SMARCAL1: variants seen among roughly 807,000 people sequenced by gnomAD.
SMARCAL1 encodes the protein SNF2 related chromatin remodeling annealing helicase 1, also known as ATP-driven annealing helicase.
Under a neutral mutation model 94.5 loss-of-function variants are expected in SMARCAL1, and 58 were observed. The observed-to-expected ratio is 0.61, with a 90% CI of 0.50 to 0.76. The LOEUF is 0.76. Among genes scored for constraint, SMARCAL1 ranks in the 30% least tolerant of loss-of-function variants. The probability of loss-of-function intolerance (pLI) is 0.00; values close to 1 mark genes in which losing one functional copy is unlikely to be tolerated. For synonymous variants in SMARCAL1, 422 were observed against 455.1 expected, an observed-to-expected ratio of 0.93 and a Z score of 0.93; for missense variants, 1,051 against 1,177.9, an observed-to-expected ratio of 0.89 and a Z score of 1.58.
At chr2:216,420,730 G>A (rs768736408) in intron 5 of SMARCAL1, among the ~76,000 whole-genome samples, 198 bp downstream of exon 5, 10 of 152,064 alleles carry the variant, frequency 6.6e-5, no homozygotes, top group Non-Finnish European at 1.5e-4. Flanking sequence ...TTGTCATAAG[G>A]CCTCCCAAAG....
intron 4 of SMARCAL1, among the ~76,000 whole-genome samples, chr2:216,419,729 G>A (rs73072257): frequency 0.022 from 3,344 of 152,076 alleles, 127 homozygotes; most frequent in African/African-American, 0.077. Context: ...TAAATGTTTT[G>A]ATGTGAAAAA....
chr2:216,470,171 A>AG (rs139025785), intron 14 of SMARCAL1, among the ~76,000 whole-genome samples: 4,754 of 151,476 alleles, frequency 0.031, 148 homozygotes, highest in East Asian at 0.16. Flanking sequence ...TTTGTTGGGG[A>AG]GGGGGGTCTC....
At position 216,475,700 on chromosome 2, in the gene SMARCAL1, C is replaced by T. The variant is rs770141060; in HGVS notation, c.2427+249C>T. Among the ~76,000 whole-genome samples, 9 of 151,884 alleles carry T rather than the reference C, an allele frequency of 5.9e-5. No homozygotes were observed. Among genetic ancestry groups the T allele is most frequent in the Admixed American group, 1.3e-4 (2 of 15,256 alleles). On this transcript the variant is annotated intron_variant, in intron 15 of 17. Transcript: ENST00000357276. The surrounding 1 kb of genome is among the most constrained non-coding windows in gnomAD (Gnocchi z 4.4). ...CATGATCTTGGCTCACTGCAACCTCCGCCTCCTGGGTTCAAGCGATTCCCC... is the reference window on the plus strand; with the variant it reads ...CATGATCTTGGCTCACTGCAACCTCTGCCTCCTGGGTTCAAGCGATTCCCC...
At chr2:216,413,026 C>G (rs1693500428) in intron 1 of SMARCAL1, 1 of 152,142 alleles carries the variant, frequency 6.6e-6, no homozygotes, top group African/African-American at 2.4e-5. Context: ...GAGTGTGTTA[C>G]CCAGAGAGAC....
At position 216,428,766 on chromosome 2, in the gene SMARCAL1, C is replaced by T. The variant is rs1370549286; in HGVS notation, c.1318C>T (p.Gln440Ter). 1.9e-6 allele frequency: 3 copies of T among 1,614,052 alleles called. No individual in the cohort carries two copies. Among genetic ancestry groups the T allele is most frequent in the Non-Finnish European group, 1.7e-6 (2 of 1,180,018 alleles). The change falls in exon 7 of 18, where the codon CAG becomes TAG. Residue 440 changes from glutamine to a stop codon, truncating the protein, a stop_gained. Coordinates refer to ENST00000357276, the MANE Select transcript of SMARCAL1 (RefSeq NM_014140.4). LOFTEE classifies it high-confidence loss of function. ...PKLVSNLMPF[Q>*]RAGVNFAIAK... Reference sequence around the variant, plus strand: ...GCTCGTGTCTAATCTGATGCCCTTTCAGAGAGCTGGAGTCAAGTAGGTTCT... The same window carrying T: ...GCTCGTGTCTAATCTGATGCCCTTTTAGAGAGCTGGAGTCAAGTAGGTTCT...
intron 15 of SMARCAL1, among the ~76,000 whole-genome samples, chr2:216,476,161 T>C (rs1249105850): frequency 6.6e-6 from 1 of 152,106 alleles, no homozygotes; most frequent in Non-Finnish European, 1.5e-5. Context: ...TTTCTGGTAA[T>C]CTCCAGAAAA....
chr2:216,420,100 T>C (rs1166604228), intron 4 of SMARCAL1, among the ~76,000 whole-genome samples, 199 bp from the exon 5 acceptor site: 2 of 143,046 alleles, frequency 1.4e-5, no homozygotes, highest in Non-Finnish European at 3.1e-5. Flanking sequence ...TCAGCAAATA[T>C]TGAAATTCCC....
At position 216,415,139 on chromosome 2, in the gene SMARCAL1, A is replaced by G. The variant is rs2106014814; in HGVS notation, c.435A>G (p.Gln145=). The G allele has an allele frequency of 6.2e-7, 1 of 1,612,958 alleles. No individual in the cohort carries two copies. Among genetic ancestry groups the G allele is most frequent in the African/African-American group, 1.3e-5 (1 of 74,934 alleles). ...AGCTCTTGAGTTATGAGTTAGGTCA[A>G]GGTCATGCTCAGGCTTCACCTGAGA... The part of the protein sequence containing the change: ...KQQLLSYELG[Q]GHAQASPEIR... The change falls in exon 3 of 18, where the codon CAA becomes CAG. Residue 145 remains glutamine (Q), a synonymous_variant. Transcript: ENST00000357276.
intron 8 of SMARCAL1, among the ~76,000 whole-genome samples, chr2:216,434,032 G>C (rs923301119): frequency 6.6e-6 from 1 of 150,930 alleles, no homozygotes; most frequent in Admixed American, 6.6e-5. Flanking sequence ...AATGAGACAG[G>C]GTCTCATTAT....
chr2:216,442,586 AGTGT>A (rs1432572215), intron 10 of SMARCAL1, among the ~76,000 whole-genome samples: 2 of 152,140 alleles, frequency 1.3e-5, no homozygotes, highest in Non-Finnish European at 2.9e-5. Flanking sequence ...TGGAAGTACG[AGTGT>A]GTGTGTTTCC....
rs116222213 is a variant in SMARCAL1, at chr2:216,416,698, A to G, written c.862+391A>G. ...AACCCTGACAGTCTGACTTCAGACT[A>G]CACGTTCCCACCAGACTATGCTGGC... On this transcript the variant is annotated intron_variant, in intron 4 of 17. Coordinates refer to ENST00000357276, the MANE Select transcript of SMARCAL1 (RefSeq NM_014140.4). Among the ~76,000 whole-genome samples the G allele has an allele frequency of 7.4e-3, 1,127 of 152,336 alleles. 6 individuals are homozygous for G. Among genetic ancestry groups the G allele is most frequent in the African/African-American group, 0.025 (1,058 of 41,574 alleles).
intron 14 of SMARCAL1, among the ~76,000 whole-genome samples, chr2:216,468,788 T>G (rs972355867): frequency 6.6e-6 from 1 of 152,192 alleles, no homozygotes; most frequent in African/African-American, 2.4e-5. Flanking sequence ...TGGCAGGATC[T>G]CAGCTCACTG....
intron 10 of SMARCAL1, among the ~76,000 whole-genome samples, chr2:216,443,944 A>T (rs1395751617): frequency 6.6e-6 from 1 of 152,190 alleles, no homozygotes; most frequent in Non-Finnish European, 1.5e-5. Flanking sequence ...TTTTGCCCTT[A>T]GGCTTTCGAT....
At chr2:216,462,074 C>T (rs74655733) in intron 12 of SMARCAL1, among the ~76,000 whole-genome samples, 5,284 of 152,182 alleles carry the variant, frequency 0.035, 199 homozygotes, top group East Asian at 0.16. Context: ...GGGGTTGGTA[C>T]GTTTTGCTGC....
chr2:216,474,128 C>CTTTTTTTT (rs1182416023), intron 14 of SMARCAL1, among the ~76,000 whole-genome samples: 3 of 64,894 alleles, frequency 4.6e-5, no homozygotes, highest in Middle Eastern at 9.4e-3. Flanking sequence ...GTATAGCATT[C>CTTTTTTTT]TTTTTTTTTT....
intron 10 of SMARCAL1, among the ~76,000 whole-genome samples, chr2:216,440,609 G>A (rs547097934): frequency 2.0e-5 from 3 of 152,278 alleles, no homozygotes; most frequent in South Asian, 2.1e-4. Flanking sequence ...ACGCTCTTCC[G>A]CAACGTTGAC....
chr2:216,427,761 C>T (rs2106028198), intron 6 of SMARCAL1, among the ~76,000 whole-genome samples: 1 of 152,244 alleles, frequency 6.6e-6, no homozygotes, highest in Non-Finnish European at 1.5e-5. Context: ...ATGGCTCAGC[C>T]CTGCACGTTC....
At chr2:216,429,719 G>A (rs1047934094) in intron 7 of SMARCAL1, among the ~76,000 whole-genome samples, 9 of 151,988 alleles carry the variant, frequency 5.9e-5, no homozygotes, top group Non-Finnish European at 1.2e-4. Context: ...TTTGGTGAAA[G>A]CTTGGCTACC....
chr2:216,476,233 A>G (rs1695075671), intron 15 of SMARCAL1, among the ~76,000 whole-genome samples: 2 of 152,136 alleles, frequency 1.3e-5, no homozygotes, highest in Non-Finnish European at 2.9e-5. Context: ...TTGGCTACAC[A>G]TAAGAGACTA....
Sources: gnomAD v4.1 joint callset for allele counts (sites outside exome capture counted in the v4.1 genomes callset) on GRCh38, gnomAD v4.1.1 for gene constraint, Gnocchi (gnomAD v3.1) non-coding constraint, MANE v1.5 for transcripts, NCBI Gene and HGNC (gene_info 2026-07-23, HGNC 2026-07-21) for gene names.